The following ABCB1 variants were observed in gnomAD, a reference collection of about 807,000 sequenced individuals.
ABCB1 encodes ATP-dependent translocase ABCB1.
A neutral mutation model predicts 142.0 loss-of-function variants in ABCB1; 69 were observed. The ratio of observed to expected loss-of-function variants is 0.49; its 90% confidence interval spans 0.40 to 0.59. The LOEUF (loss-of-function observed/expected upper bound fraction) is 0.59. Ranked by LOEUF, ABCB1 falls within the 20% of genes least tolerant of loss-of-function variation. The pLI is 0.00. For missense variants in ABCB1, 1,326 were observed against 1,554.7 expected, an observed-to-expected ratio of 0.85 and a Z score of 2.47; for synonymous variants, 532 against 539.2, an observed-to-expected ratio of 0.99 and a Z score of 0.18.
intron 21 of ABCB1, among the ~76,000 whole-genome samples, chr7:87,530,132 G>T (rs1261354934): frequency 6.6e-6 from 1 of 152,188 alleles, no homozygotes; most frequent in Non-Finnish European, 1.5e-5. Flanking sequence ...CATTCACTTG[G>T]TGAGGTAGCT....
At chr7:87,663,278 G>A (rs1585035811) in intron 1 of ABCB1, among the ~76,000 whole-genome samples, 1 of 151,844 alleles carries the variant, frequency 6.6e-6, no homozygotes, top group Admixed American at 6.6e-5. Flanking sequence ...TAAATACAAG[G>A]TTCTTTTCTA....
At chr7:87,682,829 A>C (rs1827058584) in intron 1 of ABCB1, among the ~76,000 whole-genome samples, 1 of 152,220 alleles carries the variant, frequency 6.6e-6, no homozygotes, top group Non-Finnish European at 1.5e-5. Context: ...GTTAGCCCCT[A>C]ATAAGAGAGT....
At chr7:87,614,650 G>T (rs1819971673) in intron 1 of ABCB1, among the ~76,000 whole-genome samples, 1 of 152,194 alleles carries the variant, frequency 6.6e-6, no homozygotes, top group African/African-American at 2.4e-5. Context: ...AGCAAACTGA[G>T]ATGTGTTAAT....
intron 1 of ABCB1, among the ~76,000 whole-genome samples, chr7:87,712,780 T>C (rs991988240): frequency 6.6e-6 from 1 of 152,062 alleles, no homozygotes; most frequent in Non-Finnish European, 1.5e-5. Flanking sequence ...CATACAGTCT[T>C]CAAACAGAAA....
chr7:87,581,680 A>C (rs1818514106), intron 4 of ABCB1, among the ~76,000 whole-genome samples: 1 of 152,190 alleles, frequency 6.6e-6, no homozygotes, highest in African/African-American at 2.4e-5. Flanking sequence ...CAAGGGTTCT[A>C]TTGCAGCAAC....
chr7:87,531,377 T>C lies in ABCB1; in HGVS notation c.2602A>G (p.Ile868Val). 1 of 1,613,546 alleles carries C rather than the reference T, an allele frequency of 6.2e-7. No individual in the cohort carries two copies. The highest frequency in any genetic ancestry group is 8.5e-7 in the Non-Finnish European group (1 of 1,179,734). The change falls in exon 21 of 28, where the codon ATT becomes GTT. Residue 868 changes from isoleucine to valine, a missense_variant. Coordinates refer to ENST00000622132, the MANE Select transcript of ABCB1 (RefSeq NM_001348946.2). ...ATTTCAACAACTCCTGCTATTGCAA[T>C]GATGGGTACAATTGCTAAGAGTAAC... ...TLLLLAIVPI[I>V]AIAGVVEMKM...
At chr7:87,664,042 C>G (rs1202606730) in intron 1 of ABCB1, among the ~76,000 whole-genome samples, 1 of 152,130 alleles carries the variant, frequency 6.6e-6, no homozygotes, top group African/African-American at 2.4e-5. Context: ...TGGAGGCATG[C>G]AATTCATTTC....
In ABCB1 at chr7:87,688,444, T is replaced by A. The variant is rs189993191; in HGVS notation, c.-331+24717A>T. Among the ~76,000 whole-genome samples, 588 of 152,010 alleles carry A rather than the reference T, an allele frequency of 3.9e-3. 7 individuals are homozygous for A. Among genetic ancestry groups the A allele is most frequent in the African/African-American group, 0.014 (562 of 41,538 alleles). ...TATTTAGAAATGAAATTGAATATAT[T>A]TTCATGTTTGTTTTTTTTCATTTTC... On this transcript the variant is annotated intron_variant, in intron 1 of 28. Coordinates refer to the ABCB1 transcript ENST00000265724.
At chr7:87,523,790 G>C (rs552871647) in intron 21 of ABCB1, among the ~76,000 whole-genome samples, 1 of 152,036 alleles carries the variant, frequency 6.6e-6, no homozygotes, top group African/African-American at 2.4e-5. Flanking sequence ...TACATCAGCC[G>C]CACCACCTTG....
Position 87,683,352 on chromosome 7 carries a change from C to A in ABCB1, c.-331+29809G>T, listed in dbSNP as rs867852680. ...TTGAACTTTTTCTTTGTATTCACCA[C>A]TTGCCTAACTGGCACAAGAGGCCTA... is the stretch of plus-strand genomic sequence containing the variant. On this transcript the variant is annotated intron_variant, in intron 1 of 28. Coordinates refer to the ABCB1 transcript ENST00000265724. Among the ~76,000 whole-genome samples the A allele has an allele frequency of 2.0e-5, 3 of 152,330 alleles. No homozygotes were observed. In the South Asian group the frequency reaches 6.2e-4, roughly 32 times the overall value.
At chr7:87,539,823 C>T (rs1398041766) in intron 18 of ABCB1, among the ~76,000 whole-genome samples, 2 of 152,216 alleles carry the variant, frequency 1.3e-5, no homozygotes, top group Admixed American at 1.3e-4. Context: ...TCCCCCCAAG[C>T]ACCATGTTAT....
intron 1 of ABCB1, among the ~76,000 whole-genome samples, chr7:87,698,065 T>C (rs1473885543): frequency 2.0e-5 from 3 of 152,254 alleles, no homozygotes; most frequent in African/African-American, 4.8e-5. Flanking sequence ...TGTAGATTTC[T>C]ATTTGTAAGT....
Position 87,504,408 on chromosome 7 carries a change from G to C in ABCB1, c.3678C>G (p.Thr1226=), listed in dbSNP as rs201225658. 1 of 1,613,986 alleles carries C rather than the reference G, an allele frequency of 6.2e-7. No homozygotes were observed. Among genetic ancestry groups the C allele is most frequent in the African/African-American group, 1.3e-5 (1 of 74,924 alleles). The change falls in exon 28 of 28, where the codon ACC becomes ACG. Residue 1226 remains threonine (T), a synonymous_variant. Coordinates refer to ENST00000622132, the MANE Select transcript of ABCB1 (RefSeq NM_001348946.2). Reference sequence around the variant, plus strand: ...ACAGGCGGTGAGCAATCACAATGCAGGTGCGGCCTTCTCTGGCTTTGTCCA... The same window carrying C: ...ACAGGCGGTGAGCAATCACAATGCACGTGCGGCCTTCTCTGGCTTTGTCCA... ...EALDKAREGR[T]CIVIAHRLST...
At chr7:87,521,437 A>G (rs1815503235) in intron 21 of ABCB1, 3 of 692,960 alleles carry the variant, frequency 4.3e-6, no homozygotes, top group Admixed American at 4.1e-5. Flanking sequence ...AAGCATCCTT[A>G]AAGTCTCTCT....
chr7:87,570,611 G>GCATTTTTC (rs1376607494), intron 4 of ABCB1, among the ~76,000 whole-genome samples: 2 of 152,134 alleles, frequency 1.3e-5, no homozygotes, highest in Middle Eastern at 3.2e-3. Flanking sequence ...TAAAATCTTA[G>GCATTTTTC]CATTTTTCCA....
intron 3 of ABCB1, among the ~76,000 whole-genome samples, chr7:87,586,696 T>C (rs939937064): frequency 6.6e-6 from 1 of 152,140 alleles, no homozygotes; most frequent in African/African-American, 2.4e-5. Flanking sequence ...AACTTACATA[T>C]ACTTCACAAG....
At chr7:87,526,747 G>A (rs187273868) in intron 21 of ABCB1, among the ~76,000 whole-genome samples, 4 of 152,158 alleles carry the variant, frequency 2.6e-5, no homozygotes, top group Non-Finnish European at 5.9e-5. Flanking sequence ...TAACCAATCC[G>A]GAAAAAGTGC....
intron 20 of ABCB1, among the ~76,000 whole-genome samples, chr7:87,532,589 G>T (rs1816102154): frequency 6.6e-6 from 1 of 152,076 alleles, no homozygotes; most frequent in Admixed American, 6.6e-5. Context: ...ACCCTATATG[G>T]TCTAAAAATG....
chr7:87,605,638 T>C (rs1004552839), upstream of ABCB1, among the ~76,000 whole-genome samples: 1 of 152,202 alleles, frequency 6.6e-6, no homozygotes, highest in African/African-American at 2.4e-5. Flanking sequence ...TCCAGCTTCA[T>C]GACTTACTAG....
Sources: allele counts gnomAD v4.1 joint callset (sites outside exome capture counted in the v4.1 genomes callset), GRCh38; gene constraint gnomAD v4.1.1; transcripts MANE v1.5; gene names NCBI Gene and HGNC (gene_info 2026-07-23, HGNC 2026-07-21).